PACRG: variants seen among roughly 807,000 people sequenced by gnomAD.
PACRG encodes parkin coregulated gene protein.
A neutral mutation model predicts 29.7 loss-of-function variants in PACRG; 29 were observed. That is an observed-to-expected ratio of 0.98 (90% confidence interval 0.73 to 1.33). The LOEUF is 1.33. Ranked by LOEUF, PACRG falls within the 40% of genes most tolerant of loss-of-function variation. PACRG has a pLI of 0.00. For synonymous variants in PACRG, 116 were observed against 118.7 expected (o/e 0.98, Z 0.15); for missense variants, 279 against 316.2 (o/e 0.88, Z 0.89).
At chr6:163,291,641 C>T (rs1784614451) in intron 4 of PACRG, among the ~76,000 whole-genome samples, 1 of 152,262 alleles carries the variant, frequency 6.6e-6, no homozygotes, top group South Asian at 2.1e-4. Flanking sequence ...GAGATATTTT[C>T]ACAGTAACTT....
chr6:162,729,893 T>C (rs1779619191), intron 1 of PACRG, among the ~76,000 whole-genome samples: 1 of 152,158 alleles, frequency 6.6e-6, no homozygotes, highest in African/African-American at 2.4e-5. Flanking sequence ...ACATTGATTA[T>C]GAAGCAGGCT....
chr6:163,201,358 G>A (rs1160246881), intron 4 of PACRG, among the ~76,000 whole-genome samples: 2 of 152,174 alleles, frequency 1.3e-5, no homozygotes, highest in African/African-American at 2.4e-5. Flanking sequence ...TCGTAATCCT[G>A]CTGTCTTCAG....
At chr6:162,845,732 T>G (rs1009164468) in intron 2 of PACRG, among the ~76,000 whole-genome samples, 1 of 152,236 alleles carries the variant, frequency 6.6e-6, no homozygotes, top group African/African-American at 2.4e-5. Flanking sequence ...AAGTATTTTC[T>G]TGAATCACAT....
intron 2 of PACRG, among the ~76,000 whole-genome samples, chr6:162,847,195 A>C (rs961341986): frequency 6.6e-6 from 1 of 152,204 alleles, no homozygotes; most frequent in Non-Finnish European, 1.5e-5. Context: ...CTAGCCAGCT[A>C]TATCCTCCCA....
chr6:163,288,406 C>T (rs535118373), intron 4 of PACRG, among the ~76,000 whole-genome samples: 11 of 152,326 alleles, frequency 7.2e-5, no homozygotes, highest in African/African-American at 2.6e-4. Context: ...TTGGGACTTA[C>T]CTGTTACAGT....
At chr6:162,774,327 A>T (rs1463727817) in intron 1 of PACRG, among the ~76,000 whole-genome samples, 1 of 152,248 alleles carries the variant, frequency 6.6e-6, no homozygotes, top group African/African-American at 2.4e-5. Flanking sequence ...AAATCAACTT[A>T]GTAGGGAAAA....
intron 2 of PACRG, among the ~76,000 whole-genome samples, chr6:163,041,128 G>C (rs993160835): frequency 6.6e-6 from 1 of 152,076 alleles, no homozygotes; most frequent in Non-Finnish European, 1.5e-5. Flanking sequence ...ACGAGGTCAG[G>C]AGATTGAGAC....
chr6:163,057,606 G>T (rs1810709904), intron 2 of PACRG, among the ~76,000 whole-genome samples: 1 of 152,134 alleles, frequency 6.6e-6, no homozygotes, highest in African/African-American at 2.4e-5. Flanking sequence ...TAGAGACAGG[G>T]TCTCAATATG....
intron 2 of PACRG, among the ~76,000 whole-genome samples, chr6:162,817,115 C>T (rs1562627258): frequency 1.3e-5 from 2 of 152,150 alleles, no homozygotes; most frequent in Admixed American, 1.3e-4. Flanking sequence ...CCTGTGGCTC[C>T]GAAGGACTTA....
intron 4 of PACRG, among the ~76,000 whole-genome samples, chr6:163,149,586 A>T (rs548087482): frequency 8.7e-5 from 13 of 150,176 alleles, no homozygotes; most frequent in African/African-American, 3.2e-4. Flanking sequence ...CGACTCCCCG[A>T]CCCCGCGAGC....
Position 162,728,407 on chromosome 6 carries a change from G to T in PACRG, c.156+16G>T, listed in dbSNP as rs2128244566. 1 of 1,607,898 alleles carries T rather than the reference G, an allele frequency of 6.2e-7. No homozygotes were observed. Among genetic ancestry groups the T allele is most frequent in the Non-Finnish European group, 8.5e-7 (1 of 1,179,278 alleles). On this transcript the variant is annotated intron_variant, in intron 1 of 4. Coordinates refer to ENST00000366888, the MANE Select transcript of PACRG (RefSeq NM_001080379.2). ...AAACTCAGTCGTAAGTGATCTTCCTGAATTAAATGCACTCGCTCTGAATCA... is the reference window on the plus strand; with the variant it reads ...AAACTCAGTCGTAAGTGATCTTCCTTAATTAAATGCACTCGCTCTGAATCA...
intron 2 of PACRG, among the ~76,000 whole-genome samples, chr6:162,951,432 A>G (rs1799641669): frequency 6.6e-6 from 1 of 152,238 alleles, no homozygotes; most frequent in Admixed American, 6.5e-5. Context: ...GCCCCAAACC[A>G]GAATTCTCTG....
At chr6:163,174,284 A>T (rs1192127424) in intron 4 of PACRG, among the ~76,000 whole-genome samples, 2 of 152,196 alleles carry the variant, frequency 1.3e-5, no homozygotes, top group African/African-American at 4.8e-5. Context: ...TTTGGGCCAC[A>T]TTCAAAGCCA....
At chr6:162,760,998 C>T (rs539461761) in intron 1 of PACRG, among the ~76,000 whole-genome samples, 22 of 152,218 alleles carry the variant, frequency 1.4e-4, no homozygotes, top group South Asian at 1.2e-3. Context: ...ATGGCTTGGC[C>T]GGGCAGGGTC....
At chr6:162,933,599 ATC>A (rs1401275815) in intron 2 of PACRG, among the ~76,000 whole-genome samples, 3 of 74,872 alleles carry the variant, frequency 4.0e-5, no homozygotes, top group South Asian at 4.3e-4. Flanking sequence ...GACTTTCTGT[ATC>A]TTTTTTTTTT....
chr6:162,749,996 C>G (rs2128278400), intron 1 of PACRG, among the ~76,000 whole-genome samples: 1 of 152,272 alleles, frequency 6.6e-6, no homozygotes, highest in South Asian at 2.1e-4. Context: ...AATTTTTCCA[C>G]TCATGTATAT....
chr6:163,245,453 C>T (rs1782655361), intron 4 of PACRG, among the ~76,000 whole-genome samples: 1 of 152,124 alleles, frequency 6.6e-6, no homozygotes, highest in South Asian at 2.1e-4. Flanking sequence ...ATTCAAAAAT[C>T]GCACAGAGCC....
intron 4 of PACRG, among the ~76,000 whole-genome samples, chr6:163,195,053 C>T (rs937927067): frequency 8.5e-5 from 13 of 152,178 alleles, no homozygotes; most frequent in Non-Finnish European, 1.6e-4. Flanking sequence ...GAGCCTTGAT[C>T]TGGAGTCGAT....
chr6:162,766,728 C>G (rs1053077586), intron 1 of PACRG, among the ~76,000 whole-genome samples: 30 of 152,168 alleles, frequency 2.0e-4, no homozygotes, highest in African/African-American at 7.2e-4. Flanking sequence ...GATTTTTAAT[C>G]TGAATTTTCA....
Sources: allele counts gnomAD v4.1 joint callset (sites outside exome capture counted in the v4.1 genomes callset), GRCh38; gene constraint gnomAD v4.1.1; transcripts MANE v1.5; gene names NCBI Gene and HGNC (gene_info 2026-07-23, HGNC 2026-07-21).